The following PMPCB variants were observed in gnomAD, a reference collection of about 807,000 sequenced individuals.
The protein encoded by PMPCB is peptidase, mitochondrial processing subunit beta.
Under a neutral mutation model 61.5 loss-of-function variants are expected in PMPCB, and 46 were observed. The ratio of observed to expected loss-of-function variants is 0.75; its 90% confidence interval spans 0.59 to 0.96. PMPCB has a LOEUF of 0.96. Among genes scored for constraint, PMPCB ranks in the 40% least tolerant of loss-of-function variants. The probability of loss-of-function intolerance (pLI) is 0.00; values close to 1 mark genes in which losing one functional copy is unlikely to be tolerated. For missense variants in PMPCB, 590 were observed against 602.4 expected (o/e 0.98, Z 0.22); for synonymous variants, 191 against 201.6 (o/e 0.95, Z 0.44).
chr7:103,306,086 A>T (rs1563447423), intron 6 of PMPCB, among the ~76,000 whole-genome samples: 1 of 152,198 alleles, frequency 6.6e-6, no homozygotes, highest in Non-Finnish European at 1.5e-5. Context: ...TCTTAAATTC[A>T]ATGAAATAGG....
intron 9 of PMPCB, 135 bp downstream of exon 9, chr7:103,310,610 G>T: frequency 2.0e-6 from 1 of 512,614 alleles, no homozygotes; most frequent in Non-Finnish European, 3.2e-6. Context: ...TAGTTGCCAT[G>T]TTTTCAAAGG....
chr7:103,326,341 ACTT>A (rs775242980), intron 12 of PMPCB, among the ~76,000 whole-genome samples: 5 of 152,210 alleles, frequency 3.3e-5, no homozygotes, highest in Non-Finnish European at 7.3e-5. Context: ...GAAATGTAGA[ACTT>A]CTGTTTAGAA....
At chr7:103,304,236 A>G (rs541633306) in intron 5 of PMPCB, among the ~76,000 whole-genome samples, 175 bp from the exon 6 acceptor site, 2 of 152,318 alleles carry the variant, frequency 1.3e-5, no homozygotes, top group Admixed American at 1.3e-4. Flanking sequence ...ATAAACCAGT[A>G]ATGGTGTATT....
intron 4 of PMPCB, among the ~76,000 whole-genome samples, chr7:103,301,690 G>A (rs1322533477): frequency 6.6e-6 from 1 of 152,136 alleles, no homozygotes. Flanking sequence ...GGATTTACTT[G>A]GGGTTTTTCA....
At chr7:103,316,597 A>G, downstream of PMPCB, 1 of 473,004 alleles carries the variant, frequency 2.1e-6, no homozygotes, top group Non-Finnish European at 3.7e-6. Flanking sequence ...TTGTCTCATG[A>G]TCTTCAATTT....
At position 103,313,061 on chromosome 7, in the gene PMPCB, C is replaced by G. The variant is rs762812092; in HGVS notation, c.*790C>G. ...TTTTCAAAGCTTGTTCCAAAAGCTT[C>G]TGTTCTTCTGTTGTCCAAGGGGTGA... On this transcript the variant is annotated 3_prime_UTR_variant, in exon 13 of 13. Coordinates refer to ENST00000249269, the MANE Select transcript of PMPCB (RefSeq NM_004279.3). 6.2e-7 allele frequency: 1 copy of G among 1,613,946 alleles called. No homozygotes were observed. The highest frequency in any genetic ancestry group is 8.5e-7 in the Non-Finnish European group (1 of 1,179,922).
the PMPCB span, among the ~76,000 whole-genome samples, chr7:103,343,865 G>A: frequency 1.3e-5 from 2 of 152,126 alleles, no homozygotes; most frequent in Admixed American, 6.5e-5. Flanking sequence ...AATGCAACAC[G>A]TGCCATGGGT....
At chr7:103,341,487 A>G in the PMPCB span, among the ~76,000 whole-genome samples, 3 of 152,284 alleles carry the variant, frequency 2.0e-5, no homozygotes, top group Admixed American at 6.5e-5. Context: ...TTCTGCCCAG[A>G]ATACTTTTCT....
At chr7:103,316,307 T>A (rs1208581403), downstream of PMPCB, 2 of 371,054 alleles carry the variant, frequency 5.4e-6, no homozygotes. Flanking sequence ...TTTAAGTCCA[T>A]ACATCTTACA....
At chr7:103,319,926 T>G in intron 12 of PMPCB, 4 of 1,467,874 alleles carry the variant, frequency 2.7e-6, no homozygotes, top group Non-Finnish European at 3.8e-6. Context: ...TCCCAGCTAC[T>G]CGGGAGGCTG....
intron 12 of PMPCB, among the ~76,000 whole-genome samples, chr7:103,325,877 CAATG>C (rs1441145504): frequency 1.3e-5 from 2 of 152,082 alleles, no homozygotes; most frequent in East Asian, 3.8e-4. Flanking sequence ...TCTCAACTGA[CAATG>C]AGTCAGAGAG....
At chr7:103,332,007 ATT>A (rs56703501), downstream of PMPCB, among the ~76,000 whole-genome samples, 11,551 of 134,060 alleles carry the variant, frequency 0.086, 1,402 homozygotes, top group African/African-American at 0.28. Context: ...TAAATTTGCT[ATT>A]TTTTTTTTTT....
intron 3 of PMPCB, 69 bp from the exon 4 acceptor site, chr7:103,300,109 T>C: frequency 2.1e-6 from 3 of 1,417,722 alleles, no homozygotes; most frequent in Non-Finnish European, 2.9e-6. Context: ...TCCATATTCA[T>C]TATCTGAAGT....
At chr7:103,310,793 T>C (rs1437196304) in intron 9 of PMPCB, 3 of 158,572 alleles carry the variant, frequency 1.9e-5, no homozygotes, top group Non-Finnish European at 4.0e-5. Context: ...TTCTCCCACC[T>C]CAGCCTCCCG....
intron 1 of PMPCB, 75 bp from the exon 2 acceptor site, chr7:103,298,493 G>T: frequency 1.4e-6 from 2 of 1,425,468 alleles, no homozygotes; most frequent in Non-Finnish European, 1.9e-6. Flanking sequence ...AATAGATTTG[G>T]TTTTAAAAGC....
In PMPCB at chr7:103,314,647, A is replaced by C; in HGVS notation, c.*2376A>C. ...AGGTGTTCTGAAACCCTGCCTTGTTACTTACCTTTATTAAAAGAACCGAAA... is the reference window on the plus strand; with the variant it reads ...AGGTGTTCTGAAACCCTGCCTTGTTCCTTACCTTTATTAAAAGAACCGAAA... On this transcript the variant is annotated 3_prime_UTR_variant, in exon 13 of 13. Coordinates refer to ENST00000249269, the MANE Select transcript of PMPCB (RefSeq NM_004279.3). The C allele has an allele frequency of 1.0e-6, 1 of 985,404 alleles. No homozygotes were observed. The highest frequency in any genetic ancestry group is 1.2e-6 in the Non-Finnish European group (1 of 829,882). 61.0% of individuals were successfully genotyped at this position (985,404 alleles called of 1,614,324 possible).
downstream of PMPCB, among the ~76,000 whole-genome samples, chr7:103,332,248 G>A (rs978717401): frequency 2.0e-5 from 3 of 152,094 alleles, no homozygotes; most frequent in Non-Finnish European, 2.9e-5. Flanking sequence ...CTCATGATCC[G>A]CCCGCCTTGG....
At chr7:103,336,617 A>G in the PMPCB span, 6 of 152,190 alleles carry the variant, frequency 3.9e-5, no homozygotes, top group Non-Finnish European at 8.8e-5. Context: ...AAGTGTTGGG[A>G]TTATAGGCGT....
downstream of PMPCB, among the ~76,000 whole-genome samples, chr7:103,334,460 G>A (rs1390730533): frequency 6.6e-6 from 1 of 152,020 alleles, no homozygotes; most frequent in East Asian, 2.0e-4. Flanking sequence ...CTACTTAGGA[G>A]GCTGAGGCAG....
Sources: gnomAD v4.1 joint callset for allele counts (sites outside exome capture counted in the v4.1 genomes callset) on GRCh38, gnomAD v4.1.1 for gene constraint, MANE v1.5 for transcripts, NCBI Gene and HGNC (gene_info 2026-07-23, HGNC 2026-07-21) for gene names.